The following PTPRM variants were observed in gnomAD, a reference collection of about 807,000 sequenced individuals.
PTPRM encodes receptor-type tyrosine-protein phosphatase mu.
In PTPRM, 47 loss-of-function variants were observed where a neutral mutation model predicts 186.7. The observed-to-expected ratio is 0.25, with a 90% CI of 0.20 to 0.32. PTPRM has a LOEUF of 0.32. Among genes scored for constraint, PTPRM ranks in the 10% least tolerant of loss-of-function variants. The probability of loss-of-function intolerance (pLI) is 1.00; values close to 1 mark genes in which losing one functional copy is unlikely to be tolerated. For synonymous variants in PTPRM, 668 were observed against 674.9 expected (o/e 0.99, Z 0.16); for missense variants, 1,494 against 1,865.0 (o/e 0.80, Z 3.66).
chr18:8,193,379 A>G (rs559266730), intron 14 of PTPRM, among the ~76,000 whole-genome samples: 2 of 152,294 alleles, frequency 1.3e-5, no homozygotes, highest in Admixed American at 1.3e-4. Context: ...GGTGCTTACA[A>G]ATTGATTATG....
At chr18:7,878,897 G>A (rs998942861) in intron 2 of PTPRM, among the ~76,000 whole-genome samples, 2 of 152,162 alleles carry the variant, frequency 1.3e-5, no homozygotes. Context: ...TGACGTATGG[G>A]AAATTAAACA....
At chr18:8,157,652 G>A (rs2093149897) in intron 14 of PTPRM, among the ~76,000 whole-genome samples, 2 of 152,176 alleles carry the variant, frequency 1.3e-5, no homozygotes, top group Non-Finnish European at 1.5e-5. Flanking sequence ...CTTATGCCCA[G>A]GCTCCTACTC....
At chr18:8,142,446 C>G (rs1186783652) in intron 13 of PTPRM, among the ~76,000 whole-genome samples, 1 of 152,062 alleles carries the variant, frequency 6.6e-6, no homozygotes. Context: ...TACGTGTTCC[C>G]AAAGGACACA....
intron 19 of PTPRM, among the ~76,000 whole-genome samples, chr18:8,292,497 C>G (rs577975195): frequency 6.6e-6 from 1 of 152,156 alleles, no homozygotes. Flanking sequence ...GGAACACTTA[C>G]GGAAAATGCA....
intron 23 of PTPRM, among the ~76,000 whole-genome samples, chr18:8,367,346 G>T (rs978476178): frequency 6.6e-6 from 1 of 152,266 alleles, no homozygotes. Context: ...GAGGGGCCTT[G>T]CCCAGCACGC....
At chr18:7,856,565 C>A (rs940462003) in intron 2 of PTPRM, among the ~76,000 whole-genome samples, 1 of 151,532 alleles carries the variant, frequency 6.6e-6, no homozygotes, top group Non-Finnish European at 1.5e-5. Context: ...ATAGTGAGAC[C>A]CTGTCTTTGC....
chr18:7,960,779 C>T (rs1006246010), intron 7 of PTPRM, among the ~76,000 whole-genome samples: 4 of 150,284 alleles, frequency 2.7e-5, no homozygotes, highest in African/African-American at 9.8e-5. Context: ...TACTCACATA[C>T]CTACACACAA....
intron 14 of PTPRM, among the ~76,000 whole-genome samples, chr18:8,173,288 T>C (rs1030439461): frequency 6.6e-6 from 1 of 152,212 alleles, no homozygotes; most frequent in Non-Finnish European, 1.5e-5. Context: ...AATTTTCAGA[T>C]ATAATGGTAA....
intron 2 of PTPRM, among the ~76,000 whole-genome samples, chr18:7,800,746 T>G (rs549574279): frequency 2.6e-5 from 4 of 152,320 alleles, no homozygotes; most frequent in African/African-American, 9.6e-5. Context: ...GATGATAAAG[T>G]GTACTTACAC....
At chr18:7,749,880 G>A (rs773346744) in intron 1 of PTPRM, among the ~76,000 whole-genome samples, 18 of 152,188 alleles carry the variant, frequency 1.2e-4, no homozygotes, top group Admixed American at 1.2e-3. Flanking sequence ...ACCTGTCTTC[G>A]CTTTGACAAG....
intron 1 of PTPRM, among the ~76,000 whole-genome samples, chr18:7,767,772 T>C (rs141355079): frequency 8.3e-4 from 126 of 152,334 alleles, no homozygotes; most frequent in African/African-American, 3.0e-3. Context: ...TGTGGAGACT[T>C]CATTAACATT....
chr18:7,659,052 G>A (rs2038919325), intron 1 of PTPRM, among the ~76,000 whole-genome samples: 2 of 150,876 alleles, frequency 1.3e-5, no homozygotes, highest in African/African-American at 4.9e-5. Flanking sequence ...ATTGTCCCTG[G>A]TTGCTAATGA....
intron 2 of PTPRM, among the ~76,000 whole-genome samples, chr18:7,819,576 CT>C (rs1257710018): frequency 1.3e-5 from 2 of 152,178 alleles, no homozygotes; most frequent in African/African-American, 4.8e-5. Context: ...TCAATAAAAC[CT>C]CGTCCTCATT....
intron 1 of PTPRM, among the ~76,000 whole-genome samples, chr18:7,674,958 G>C (rs2039301678): frequency 6.6e-6 from 1 of 152,176 alleles, no homozygotes; most frequent in South Asian, 2.1e-4. Context: ...TTTAGGCGCC[G>C]ACTCTTTCCT....
chr18:8,077,908 T>C (rs1182884263), intron 9 of PTPRM, among the ~76,000 whole-genome samples: 2 of 152,294 alleles, frequency 1.3e-5, no homozygotes, highest in South Asian at 2.1e-4. Context: ...ATGAAAACAA[T>C]GGGAATAATA....
chr18:8,238,651 GTTTTTTTTTTTTTTT>G (rs71165776), intron 14 of PTPRM, among the ~76,000 whole-genome samples: 1 of 25,758 alleles, frequency 3.9e-5, no homozygotes, highest in African/African-American at 1.7e-4. Context: ...TGTTTTGTGT[GTTTTTTTTTTTTTTT>G]TTTTTTTTTT....
At chr18:7,787,299 G>A (rs1175039585) in intron 2 of PTPRM, among the ~76,000 whole-genome samples, 1 of 152,130 alleles carries the variant, frequency 6.6e-6, no homozygotes, top group African/African-American at 2.4e-5. Flanking sequence ...ATTAAGTTCT[G>A]GAAAAAATGC....
At chr18:7,937,363 C>T (rs2051882500) in intron 5 of PTPRM, among the ~76,000 whole-genome samples, 1 of 152,180 alleles carries the variant, frequency 6.6e-6, no homozygotes. Context: ...CCATTGCCAG[C>T]CTTGGAAGCT....
intron 7 of PTPRM, among the ~76,000 whole-genome samples, chr18:8,010,993 A>G (rs779308309): frequency 3.3e-5 from 5 of 152,232 alleles, no homozygotes; most frequent in African/African-American, 7.2e-5. Context: ...AAAGCAAAAC[A>G]TATAAGAGGC....
Sources: gnomAD v4.1 joint callset for allele counts (sites outside exome capture counted in the v4.1 genomes callset) on GRCh38, gnomAD v4.1.1 for gene constraint, MANE v1.5 for transcripts, NCBI Gene and HGNC (gene_info 2026-07-23, HGNC 2026-07-21) for gene names.